EPHA3: variants seen among roughly 807,000 people sequenced by gnomAD.
The protein encoded by EPHA3 is ephrin type-A receptor 3.
A neutral mutation model predicts 107.1 loss-of-function variants in EPHA3; 42 were observed. That is an observed-to-expected ratio of 0.39 (90% CI 0.31 to 0.51). EPHA3 has a LOEUF of 0.51. Ranked by LOEUF, EPHA3 falls within the 20% of genes least tolerant of loss-of-function variation. The pLI is 0.78. For missense variants in EPHA3, 1,183 were observed against 1,211.2 expected (o/e 0.98, Z 0.35); for synonymous variants, 461 against 424.8 (o/e 1.09, Z -1.05).
rs1407450168 is a variant in EPHA3 at position 89,363,417 on chromosome 3, T to G, written c.1306+21327T>G. Among the ~76,000 whole-genome samples the G allele has an allele frequency of 1.3e-5, 2 of 150,508 alleles. 1 individual carries two copies. Among genetic ancestry groups the G allele is most frequent in the Non-Finnish European group, 3.0e-5 (2 of 67,202 alleles). On this transcript the variant is annotated intron_variant, in intron 5 of 16. Coordinates refer to ENST00000336596, the MANE Select transcript of EPHA3 (RefSeq NM_005233.6). ...GGAACAGCTGACATTGCAGCTTGAG[T>G]CTGAATGCACTCTGAAGCTAGGATT... is the stretch of plus-strand genomic sequence containing the variant.
At position 89,472,571 on chromosome 3, in the gene EPHA3, C is replaced by A. The variant is rs372594677; in HGVS notation, c.2798C>A (p.Thr933Lys). 4 of 1,613,874 alleles carry A rather than the reference C, an allele frequency of 2.5e-6. No homozygotes were observed. The African/African-American group carries it at 5.3e-5, about 22-fold the overall frequency. The change falls in exon 16 of 17, where the codon ACG becomes AAG. Residue 933 changes from threonine (T) to lysine (K), a missense_variant. Coordinates refer to ENST00000336596, the MANE Select transcript of EPHA3 (RefSeq NM_005233.6). ...VWTAHCKEIF[T>K]GVEYSSCDTI... is the part of the protein sequence containing the mutation. ...ACAGCACACTGCAAGGAAATCTTCA[C>A]GGGTGTGGAGTACAGTTCTTGTGAC...
intron 2 of EPHA3, among the ~76,000 whole-genome samples, chr3:89,171,430 C>T (rs1705206613): frequency 6.6e-6 from 1 of 152,086 alleles, no homozygotes; most frequent in African/African-American, 2.4e-5. Context: ...TACAATGAAG[C>T]AAGCAATGGA....
intron 3 of EPHA3, among the ~76,000 whole-genome samples, chr3:89,324,071 C>G (rs1336875365): frequency 6.6e-6 from 1 of 151,800 alleles, no homozygotes; most frequent in Non-Finnish European, 1.5e-5. Flanking sequence ...AACTCCTGTG[C>G]CTTTGCTCAT....
At chr3:89,241,710 C>A (rs916257011) in intron 3 of EPHA3, among the ~76,000 whole-genome samples, 1 of 152,068 alleles carries the variant, frequency 6.6e-6, no homozygotes, top group African/African-American at 2.4e-5. Context: ...CACCCCCCTG[C>A]ATGATTTTAA....
At chr3:89,122,339 A>G (rs951467186) in intron 1 of EPHA3, among the ~76,000 whole-genome samples, 8 of 152,226 alleles carry the variant, frequency 5.3e-5, no homozygotes, top group African/African-American at 1.9e-4. Context: ...ACTTGGCTAT[A>G]AAAGTCCCTT....
intron 3 of EPHA3, among the ~76,000 whole-genome samples, chr3:89,215,907 G>A (rs760881064): frequency 6.6e-6 from 1 of 151,778 alleles, no homozygotes; most frequent in East Asian, 1.9e-4. Context: ...CATTATTAAA[G>A]TATACTTCTA....
chr3:89,424,572 A>G (rs980693340), intron 11 of EPHA3, among the ~76,000 whole-genome samples: 2 of 151,274 alleles, frequency 1.3e-5, no homozygotes, highest in Admixed American at 1.3e-4. Context: ...TATTTGCATT[A>G]TTTTGAGCAC....
rs745700640 is a variant in EPHA3 at position 89,419,263 on chromosome 3, A to G, written c.1947A>G (p.Ser649=). 1.3e-5 allele frequency: 21 copies of G among 1,610,296 alleles called. No individual in the cohort carries two copies. The highest frequency in any genetic ancestry group is 1.6e-5 in the Non-Finnish European group (19 of 1,177,706). ...AACTTCCTTCAAAAAAAGAGATTTCAGTGGCCATTAAGACCCTGAAAGTTG... is the reference window on the plus strand; with the variant it reads ...AACTTCCTTCAAAAAAAGAGATTTCGGTGGCCATTAAGACCCTGAAAGTTG... ...RLKLPSKKEI[S]VAIKTLKVGY... The change falls in exon 11 of 17, where the codon TCA becomes TCG. Residue 649 remains serine (S), a synonymous_variant. Transcript: ENST00000336596.
At chr3:89,382,894 C>A (rs1708540086) in intron 5 of EPHA3, among the ~76,000 whole-genome samples, 1 of 152,100 alleles carries the variant, frequency 6.6e-6, no homozygotes, top group Non-Finnish European at 1.5e-5. Context: ...TTGACTAGCC[C>A]TAGAAGAGAC....
intron 2 of EPHA3, among the ~76,000 whole-genome samples, chr3:89,193,963 TG>T (rs1705778393): frequency 6.6e-6 from 1 of 152,016 alleles, no homozygotes; most frequent in African/African-American, 2.4e-5. Context: ...TATTTTTGCT[TG>T]TACACACATT....
chr3:89,339,096 G>C (rs1490953101), intron 3 of EPHA3, among the ~76,000 whole-genome samples: 1 of 152,178 alleles, frequency 6.6e-6, no homozygotes, highest in African/African-American at 2.4e-5. Flanking sequence ...TTGTCGGCCT[G>C]TGGCGGTGAC....
chr3:89,170,175 G>C (rs1705179515), intron 2 of EPHA3, among the ~76,000 whole-genome samples: 1 of 151,616 alleles, frequency 6.6e-6, no homozygotes, highest in Non-Finnish European at 1.5e-5. Context: ...AGAATGGCGA[G>C]AGCCCGGGAG....
intron 11 of EPHA3, among the ~76,000 whole-genome samples, chr3:89,421,801 T>C (rs146108359): frequency 6.6e-6 from 1 of 151,434 alleles, no homozygotes; most frequent in African/African-American, 2.4e-5. Flanking sequence ...AAATATAGAT[T>C]ATGGTAGACT....
intron 5 of EPHA3, among the ~76,000 whole-genome samples, chr3:89,394,539 G>A (rs114035803): frequency 0.015 from 2,321 of 152,278 alleles, 42 homozygotes; most frequent in African/African-American, 0.052. Flanking sequence ...TTGGTGTACA[G>A]TTTTCTCTGA....
intron 2 of EPHA3, among the ~76,000 whole-genome samples, chr3:89,170,151 G>A (rs1356464180): frequency 4.6e-5 from 7 of 151,936 alleles, no homozygotes; most frequent in Admixed American, 3.9e-4. Flanking sequence ...CTCTGCTCGG[G>A]AGGCTGAGGC....
intron 2 of EPHA3, among the ~76,000 whole-genome samples, chr3:89,153,995 TC>T (rs941189840): frequency 6.6e-6 from 1 of 151,996 alleles, no homozygotes; most frequent in African/African-American, 2.4e-5. Flanking sequence ...CACTTATTCT[TC>T]CCACTTCCTG....
intron 2 of EPHA3, among the ~76,000 whole-genome samples, chr3:89,189,232 T>C (rs1037025846): frequency 2.2e-4 from 34 of 152,208 alleles, no homozygotes; most frequent in Non-Finnish European, 1.5e-5. Context: ...GGGATTCTAG[T>C]ATTAAAGTCC....
At chr3:89,188,560 T>C (rs1317139654) in intron 2 of EPHA3, among the ~76,000 whole-genome samples, 2 of 152,206 alleles carry the variant, frequency 1.3e-5, no homozygotes, top group African/African-American at 2.4e-5. Flanking sequence ...GTACAATCTT[T>C]TCCTAGCCAA....
chr3:89,162,749 G>C (rs1704979199), intron 2 of EPHA3, among the ~76,000 whole-genome samples: 1 of 152,288 alleles, frequency 6.6e-6, no homozygotes, highest in Admixed American at 6.5e-5. Flanking sequence ...GGGGCTTTTA[G>C]AAAGATCTTG....
Sources: gnomAD v4.1 joint callset for allele counts (sites outside exome capture counted in the v4.1 genomes callset) on GRCh38, gnomAD v4.1.1 for gene constraint, MANE v1.5 for transcripts, NCBI Gene and HGNC (gene_info 2026-07-23, HGNC 2026-07-21) for gene names.